Variants in DAB1 observed in about 807,000 individuals in gnomAD.
DAB1 encodes DAB adaptor protein 1, also known as disabled homolog 1.
Under a neutral mutation model 64.6 loss-of-function variants are expected in DAB1, and 15 were observed. That is an observed-to-expected ratio of 0.23 (90% CI 0.16 to 0.36). The LOEUF (loss-of-function observed/expected upper bound fraction) is 0.36, where lower values mean the gene tolerates loss of function less well. DAB1 is among the 10% of genes least tolerant of loss of function. DAB1 has a pLI of 1.00. For synonymous variants in DAB1, 235 were observed against 251.9 expected (o/e 0.93, Z 0.64); for missense variants, 596 against 706.7 (o/e 0.84, Z 1.78).
intron 6 of DAB1, among the ~76,000 whole-genome samples, chr1:57,769,688 G>A (rs1315028134): frequency 1.3e-5 from 2 of 152,120 alleles, no homozygotes; most frequent in African/African-American, 4.8e-5. Flanking sequence ...TATTCTCTGT[G>A]ATTTATTTTT....
chr1:57,280,875 CAACA>C (rs1327251718), intron 2 of DAB1, among the ~76,000 whole-genome samples: 1 of 152,036 alleles, frequency 6.6e-6, no homozygotes, highest in African/African-American at 2.4e-5. Context: ...ATAATTAATT[CAACA>C]AACATTTACT....
intron 4 of DAB1, among the ~76,000 whole-genome samples, chr1:58,182,741 C>G (rs1022587813): frequency 6.6e-6 from 1 of 151,894 alleles, no homozygotes; most frequent in Non-Finnish European, 1.5e-5. Flanking sequence ...CACCTTTGAA[C>G]AGATTTATAA....
At chr1:58,486,198 A>G (rs1645573249) in intron 3 of DAB1, among the ~76,000 whole-genome samples, 1 of 152,226 alleles carries the variant, frequency 6.6e-6, no homozygotes, top group Non-Finnish European at 1.5e-5. Context: ...AAGGCAAAGA[A>G]GACAGCAGGA....
intron 5 of DAB1, among the ~76,000 whole-genome samples, chr1:58,008,912 C>T (rs905392403): frequency 3.3e-5 from 5 of 152,100 alleles, no homozygotes; most frequent in African/African-American, 4.8e-5. Context: ...TGTTCTGGTG[C>T]TTGCTCATTT....
chr1:57,912,824 G>A (rs537010377), intron 5 of DAB1, among the ~76,000 whole-genome samples: 30 of 152,270 alleles, frequency 2.0e-4, no homozygotes, highest in African/African-American at 7.0e-4. Context: ...GCCAACTCAT[G>A]AGTGAACTCC....
At chr1:57,548,734 C>A (rs142342573) in intron 7 of DAB1, among the ~76,000 whole-genome samples, 1 of 152,114 alleles carries the variant, frequency 6.6e-6, no homozygotes, top group African/African-American at 2.4e-5. Flanking sequence ...CCAGAGGGTA[C>A]GGCACTGGGC....
chr1:58,376,039 C>T (rs1296367411), intron 3 of DAB1, among the ~76,000 whole-genome samples: 1 of 151,600 alleles, frequency 6.6e-6, no homozygotes, highest in Non-Finnish European at 1.5e-5. Flanking sequence ...TCCCCTTTAT[C>T]ATTTTTTATT....
intron 6 of DAB1, among the ~76,000 whole-genome samples, chr1:57,754,842 C>T (rs967725736): frequency 6.6e-6 from 1 of 152,208 alleles, no homozygotes; most frequent in Non-Finnish European, 1.5e-5. Flanking sequence ...TTTCTTTCCC[C>T]TGCCCTGAGC....
At chr1:57,067,711 T>G (rs1651059139) in intron 8 of DAB1, among the ~76,000 whole-genome samples, 2 of 152,250 alleles carry the variant, frequency 1.3e-5, no homozygotes, top group African/African-American at 4.8e-5. Flanking sequence ...TTTTACTTGC[T>G]CATTTTACAG....
At chr1:57,899,798 G>A (rs1260702156) in intron 5 of DAB1, among the ~76,000 whole-genome samples, 1 of 151,968 alleles carries the variant, frequency 6.6e-6, no homozygotes, top group Non-Finnish European at 1.5e-5. Context: ...CTCTCGCATT[G>A]GACTAGAGGT....
chr1:57,312,280 AGG>A (rs1183112064), intron 1 of DAB1, among the ~76,000 whole-genome samples: 1 of 152,126 alleles, frequency 6.6e-6, no homozygotes, highest in Non-Finnish European at 1.5e-5. Context: ...AAGTCCAAAG[AGG>A]GGACACATAA....
At chr1:57,669,147 G>A (rs1646481391) in intron 6 of DAB1, among the ~76,000 whole-genome samples, 1 of 152,020 alleles carries the variant, frequency 6.6e-6, no homozygotes, top group Admixed American at 6.6e-5. Flanking sequence ...TACTTTTAAA[G>A]TAACTGATGC....
At chr1:58,192,814 G>A (rs1010104065) in intron 4 of DAB1, among the ~76,000 whole-genome samples, 1 of 152,084 alleles carries the variant, frequency 6.6e-6, no homozygotes, top group African/African-American at 2.4e-5. Context: ...TTCCCTTTGG[G>A]TATATACCCA....
chr1:57,171,067 C>T (rs1320477451), intron 2 of DAB1, among the ~76,000 whole-genome samples: 2 of 152,064 alleles, frequency 1.3e-5, no homozygotes, highest in South Asian at 2.1e-4. Context: ...GAAGAATCTC[C>T]CCAGAGTCAA....
chr1:58,452,810 A>G (rs968404425), intron 3 of DAB1, among the ~76,000 whole-genome samples: 2 of 152,014 alleles, frequency 1.3e-5, no homozygotes, highest in African/African-American at 4.8e-5. Context: ...CCTGGGCGAC[A>G]GAGAGAGACT....
intron 4 of DAB1, among the ~76,000 whole-genome samples, chr1:57,095,367 G>A (rs1654063679): frequency 6.6e-6 from 1 of 152,178 alleles, no homozygotes; most frequent in Non-Finnish European, 1.5e-5. Context: ...ATGAGACTGT[G>A]ACATTTTACC....
In DAB1 at chr1:58,496,169, C is replaced by CTTTTTTTTTTTTTTTTTTTTT. The variant is rs375006213; in HGVS notation, n.257+9890_257+9891insAAAAAAAAAAAAAAAAAAAAA. On this transcript the variant is annotated intron_variant and non_coding_transcript_variant, in intron 3 of 20. Coordinates refer to the DAB1 transcript ENST00000485760. ...TTCAATATTCTTTCATTTTTTTAGACTTTTTTTTTTTGGCTTTGGGCATTT... is the reference window on the plus strand; with the variant it reads ...TTCAATATTCTTTCATTTTTTTAGACTTTTTTTTTTTTTTTTTTTTTTTTTTTTTTTTGGCTTTGGGCATTT... 2.1e-5 allele frequency among the ~76,000 whole-genome samples: 3 copies of CTTTTTTTTTTTTTTTTTTTTT among 144,966 alleles called. No individual in the cohort carries two copies. The East Asian group carries it at 6.4e-4, about 31-fold the overall frequency.
intron 7 of DAB1, among the ~76,000 whole-genome samples, chr1:57,517,910 C>T (rs2101370810): frequency 6.6e-6 from 1 of 152,298 alleles, no homozygotes; most frequent in Admixed American, 6.5e-5. Flanking sequence ...TTAAAGGCCA[C>T]TTGGTTCAGC....
chr1:57,704,875 T>TCC (rs1342291800), intron 6 of DAB1, among the ~76,000 whole-genome samples: 17 of 149,218 alleles, frequency 1.1e-4, no homozygotes, highest in African/African-American at 3.3e-4. Flanking sequence ...TTGGGAAATT[T>TCC]CTTTTCCTTC....
Sources: allele counts gnomAD v4.1 joint callset (sites outside exome capture counted in the v4.1 genomes callset), GRCh38; gene constraint gnomAD v4.1.1; transcripts MANE v1.5; gene names NCBI Gene and HGNC (gene_info 2026-07-23, HGNC 2026-07-21).